The following MOBP variants were observed in gnomAD, a reference collection of about 807,000 sequenced individuals.
MOBP encodes the protein myelin associated oligodendrocyte basic protein.
MOBP carries 5 observed loss-of-function variants against 15.0 expected under a neutral mutation model. That is an observed-to-expected ratio of 0.33 (90% confidence interval 0.17 to 0.70). MOBP has a LOEUF of 0.70. Ranked by LOEUF, MOBP falls within the 30% of genes least tolerant of loss-of-function variation. MOBP has a pLI of 0.67. For synonymous variants in MOBP, 88 were observed against 99.0 expected (o/e 0.89, Z 0.66); for missense variants, 188 against 257.8 (o/e 0.73, Z 1.85).
chr3:39,521,833 C>T (rs1035900903), intron 3 of MOBP, among the ~76,000 whole-genome samples: 1 of 152,186 alleles, frequency 6.6e-6, no homozygotes, highest in African/African-American at 2.4e-5. Context: ...GTGTATAATA[C>T]CGTCTTCTCC....
chr3:39,496,223 G>A (rs1192454651), intron 2 of MOBP, among the ~76,000 whole-genome samples: 2 of 148,142 alleles, frequency 1.4e-5, no homozygotes, highest in Admixed American at 6.7e-5. Flanking sequence ...TTTTTGAGAC[G>A]GATCTTGCTC....
downstream of MOBP, among the ~76,000 whole-genome samples, chr3:39,520,664 C>T (rs2043256047): frequency 2.0e-5 from 3 of 151,936 alleles, no homozygotes; most frequent in Admixed American, 2.0e-4. Context: ...TTGTAGCTTT[C>T]TTCTTTCTAC....
At chr3:39,521,355 T>C (rs2043264054) in intron 3 of MOBP, among the ~76,000 whole-genome samples, 1 of 152,208 alleles carries the variant, frequency 6.6e-6, no homozygotes, top group Non-Finnish European at 1.5e-5. Context: ...CAGCCAGTTT[T>C]GTTATACCAG....
At chr3:39,500,544 G>A (rs1443208885) in intron 2 of MOBP, among the ~76,000 whole-genome samples, 1 of 152,146 alleles carries the variant, frequency 6.6e-6, no homozygotes, top group Non-Finnish European at 1.5e-5. Context: ...CAAATATGAA[G>A]GCAATTGGTT....
exon 5 of MOBP, chr3:39,513,724 G>A (rs1435679000): frequency 2.7e-6 from 1 of 372,620 alleles, no homozygotes; most frequent in Non-Finnish European, 4.8e-6. Context: ...TCTTCTCCAG[G>A]ATATGCACAG....
intron 2 of MOBP, among the ~76,000 whole-genome samples, chr3:39,486,538 C>T (rs1176694065): frequency 6.6e-6 from 1 of 152,090 alleles, no homozygotes; most frequent in Non-Finnish European, 1.5e-5. Context: ...TCATACTATA[C>T]TTCCAGCTTA....
intron 2 of MOBP, among the ~76,000 whole-genome samples, chr3:39,484,591 G>A (rs752439167): frequency 1.3e-5 from 2 of 152,128 alleles, no homozygotes; most frequent in Non-Finnish European, 2.9e-5. Context: ...GTAAATTTGA[G>A]TGTCCATAAA....
chr3:39,492,838 C>A (rs986580569), intron 2 of MOBP, among the ~76,000 whole-genome samples: 5 of 152,130 alleles, frequency 3.3e-5, no homozygotes, highest in Admixed American at 6.5e-5. Flanking sequence ...ATGTTGAGTT[C>A]TTTATACCAA....
At chr3:39,496,979 T>G (rs914141778) in intron 2 of MOBP, among the ~76,000 whole-genome samples, 1 of 152,042 alleles carries the variant, frequency 6.6e-6, no homozygotes, top group African/African-American at 2.4e-5. Flanking sequence ...ATTTTTATAC[T>G]TTTAGTAGAG....
At chr3:39,516,368 A>C (rs1464102439), downstream of MOBP, among the ~76,000 whole-genome samples, 1 of 152,182 alleles carries the variant, frequency 6.6e-6, no homozygotes, top group East Asian at 1.9e-4. Context: ...GGGCCAAATC[A>C]GGCTCAGATG....
downstream of MOBP, among the ~76,000 whole-genome samples, chr3:39,507,762 C>T (rs1424091302): frequency 6.6e-6 from 1 of 152,240 alleles, no homozygotes; most frequent in Non-Finnish European, 1.5e-5. Flanking sequence ...CACAACTCCA[C>T]ATCCACACTC....
chr3:39,510,129 G>C (rs986966186), intron 4 of MOBP, among the ~76,000 whole-genome samples: 1 of 151,948 alleles, frequency 6.6e-6, no homozygotes, highest in African/African-American at 2.4e-5. Flanking sequence ...CCAAAAATCA[G>C]TTGATCATAT....
intron 1 of MOBP, among the ~76,000 whole-genome samples, chr3:39,477,597 T>C (rs547853224): frequency 1.3e-5 from 2 of 151,074 alleles, no homozygotes; most frequent in South Asian, 4.2e-4. Context: ...TTTTAGAGTG[T>C]GCTCCTTCTG....
chr3:39,528,466 G>A (rs1457086258), downstream of MOBP: 2 of 152,228 alleles, frequency 1.3e-5, no homozygotes, highest in Non-Finnish European at 2.9e-5. Flanking sequence ...GCATCGGAGA[G>A]TCACAAGTCC....
downstream of MOBP, chr3:39,524,929 A>G (rs1200381795): frequency 1.3e-5 from 2 of 152,230 alleles, no homozygotes; most frequent in African/African-American, 2.4e-5. Flanking sequence ...AATAAGGAAC[A>G]TGAAAAGCAA....
chr3:39,478,439 T>C (rs2042572530), intron 1 of MOBP, among the ~76,000 whole-genome samples: 1 of 152,168 alleles, frequency 6.6e-6, no homozygotes, highest in Non-Finnish European at 1.5e-5. Flanking sequence ...GCCTATTGAC[T>C]CAGTTCTCAG....
At chr3:39,497,550 A>G (rs1575306668) in intron 2 of MOBP, among the ~76,000 whole-genome samples, 1 of 152,346 alleles carries the variant, frequency 6.6e-6, no homozygotes, top group East Asian at 1.9e-4. Context: ...TGCTGGAGTC[A>G]CACAGATGTG....
downstream of MOBP, among the ~76,000 whole-genome samples, chr3:39,505,973 G>A (rs1235924989): frequency 2.0e-5 from 3 of 152,070 alleles, no homozygotes; most frequent in African/African-American, 2.4e-5. Flanking sequence ...GCCCCCACAC[G>A]TTCATCAGAA....
At chr3:39,498,339 G>T (rs963177293) in intron 2 of MOBP, among the ~76,000 whole-genome samples, 2 of 152,072 alleles carry the variant, frequency 1.3e-5, no homozygotes, top group African/African-American at 4.8e-5. Flanking sequence ...TTTTGTTGTT[G>T]TTGTTTTTGT....
Sources: allele counts gnomAD v4.1 joint callset (sites outside exome capture counted in the v4.1 genomes callset), GRCh38; gene constraint gnomAD v4.1.1; transcripts MANE v1.5; gene names NCBI Gene and HGNC (gene_info 2026-07-23, HGNC 2026-07-21).